STK17A: variants seen among roughly 807,000 people sequenced by gnomAD.
The protein encoded by STK17A is serine/threonine kinase 17a.
STK17A carries 26 observed loss-of-function variants against 43.7 expected under a neutral mutation model. The observed-to-expected ratio is 0.60, with a 90% CI of 0.44 to 0.83. The LOEUF (loss-of-function observed/expected upper bound fraction) is 0.83, where lower values mean the gene tolerates loss of function less well. Among genes scored for constraint, STK17A ranks in the 40% least tolerant of loss-of-function variants. The pLI is 0.00. For missense variants in STK17A, 476 were observed against 511.6 expected, an observed-to-expected ratio of 0.93 and a Z score of 0.67; for synonymous variants, 191 against 182.5, an observed-to-expected ratio of 1.05 and a Z score of -0.38.
chr7:43,596,867 CAAA>C (rs34131847), intron 2 of STK17A, among the ~76,000 whole-genome samples: 19,008 of 106,502 alleles, frequency 0.18, 1,615 homozygotes, highest in Non-Finnish European at 0.25. Flanking sequence ...GACTCCATCT[CAAA>C]AAAAAAAAAA....
intron 1 of STK17A, among the ~76,000 whole-genome samples, chr7:43,587,218 G>C (rs977966584): frequency 1.4e-5 from 2 of 140,806 alleles, no homozygotes; most frequent in Non-Finnish European, 3.1e-5. Flanking sequence ...GCAGTGGCGC[G>C]ATCTCAGCTC....
intron 1 of STK17A, among the ~76,000 whole-genome samples, chr7:43,595,659 G>A (rs549086042): frequency 2.3e-3 from 343 of 152,214 alleles, no homozygotes; most frequent in Non-Finnish European, 3.6e-3. Context: ...CAAAAAAATG[G>A]ACTTTAATAT....
rs2082632428 is a variant in STK17A, at chr7:43,608,299, G to A, written c.463G>A (p.Glu155Lys). ...EIFDQCVADR[E>K]EAFKEKDVQR... The stretch of plus-strand genomic sequence containing the variant: ...CTTTGACCAGTGTGTTGCAGACAGA[G>A]AAGAAGCCTTTAAAGAAAAAGATGT... Residue 155 changes from glutamate (E) to lysine (K), a missense_variant, in exon 3 of 7, where the codon GAA becomes AAA. Glu to Lys is a moderately conservative substitution (Grantham distance 56). Around this residue, in one of 3 missense-constraint regions of STK17A, gnomAD observed 320 missense variants for 326.3 expected, o/e 0.98. Coordinates refer to ENST00000319357, the MANE Select transcript of STK17A (RefSeq NM_004760.3). 1 of 1,613,946 alleles carries A rather than the reference G, an allele frequency of 6.2e-7. No homozygotes were observed. Among genetic ancestry groups the A allele is most frequent in the African/African-American group, 1.3e-5 (1 of 74,918 alleles).
Position 43,623,753 on chromosome 7 carries a change from CT to C in STK17A, c.788del (p.Phe263SerfsTer2), listed in dbSNP as rs1368759370. The C allele has an allele frequency of 6.2e-7, 1 of 1,606,250 alleles. No homozygotes were observed. The highest frequency in any genetic ancestry group is 1.7e-5 in the Admixed American group (1 of 58,576). On this transcript the variant is annotated frameshift_variant, in exon 6 of 7. Coordinates refer to ENST00000319357, the MANE Select transcript of STK17A (RefSeq NM_004760.3). LOFTEE classifies it high-confidence loss of function. ...TATGTCATGCTTACAGGAATATCACCTTTCTTAGGCAATGATAAACAAGAAA... is the reference window on the plus strand; with the variant it reads ...TATGTCATGCTTACAGGAATATCACCTTCTTAGGCAATGATAAACAAGAAA... Reference protein sequence around the residue: ...LTYVMLTGISPFLGNDKQETF... With the variant: ...LTYVMLTGISXFLGNDKQETF...
At chr7:43,592,521 G>C (rs560341492) in intron 1 of STK17A, among the ~76,000 whole-genome samples, 80 of 152,154 alleles carry the variant, frequency 5.3e-4, no homozygotes, top group African/African-American at 1.9e-3. Flanking sequence ...TATGTCAGTA[G>C]TCTAGAATGC....
At chr7:43,583,534 G>C in intron 1 of STK17A, 85 bp downstream of exon 1, 1 of 1,144,916 alleles carries the variant, frequency 8.7e-7, no homozygotes, top group Non-Finnish European at 1.1e-6. Flanking sequence ...CGCCGCGGCG[G>C]CGAGGCTGAA....
At position 43,627,005 on chromosome 7, in the gene STK17A, A is replaced by G. The variant is rs544905632; in HGVS notation, c.*2163A>G. On this transcript the variant is annotated 3_prime_UTR_variant, in exon 7 of 7. Coordinates refer to ENST00000319357, the MANE Select transcript of STK17A (RefSeq NM_004760.3). Reference sequence around the variant, plus strand: ...GTATTAGGCCAAATAAAATCTATTAATAACTGCCAGCTAGCTCTACACTTA... The same window carrying G: ...GTATTAGGCCAAATAAAATCTATTAGTAACTGCCAGCTAGCTCTACACTTA... Among the ~76,000 whole-genome samples, 2 of 152,306 alleles carry G rather than the reference A, an allele frequency of 1.3e-5. No homozygotes were observed. The highest frequency in any genetic ancestry group is 1.9e-4 in the East Asian group (1 of 5,190).
chr7:43,621,558 G>A (rs1459234357), intron 4 of STK17A, among the ~76,000 whole-genome samples: 1 of 152,100 alleles, frequency 6.6e-6, no homozygotes, highest in South Asian at 2.1e-4. Flanking sequence ...GCTTCCTGCA[G>A]CTCCCAACTT....
rs1281985564 is a variant in STK17A at position 43,624,806 on chromosome 7, T to C, written c.1209T>C (p.Pro403=). The C allele has an allele frequency of 6.2e-7, 1 of 1,605,720 alleles. No homozygotes were observed. Among genetic ancestry groups the C allele is most frequent in the African/African-American group, 1.3e-5 (1 of 74,608 alleles). Reference sequence around the variant, plus strand: ...CCAAACGATTTAAATTTGAGGAACCTTTGCTACAAGAAATTCCAGGAGAAT... The same window carrying C: ...CCAAACGATTTAAATTTGAGGAACCCTTGCTACAAGAAATTCCAGGAGAAT... ...AISKRFKFEE[P]LLQEIPGEFI... The change falls in exon 7 of 7, where the codon CCT becomes CCC. Residue 403 remains proline, a synonymous_variant. Transcript: ENST00000319357.
chr7:43,597,076 C>T (rs934629149), intron 2 of STK17A, among the ~76,000 whole-genome samples: 10 of 152,026 alleles, frequency 6.6e-5, no homozygotes, highest in South Asian at 6.2e-4. Flanking sequence ...AAGACAAACT[C>T]GGAAAAATAC....
chr7:43,622,285 T>C (rs894666812), intron 4 of STK17A: 5 of 151,478 alleles, frequency 3.3e-5, no homozygotes, highest in Non-Finnish European at 7.3e-5. Context: ...CACTCAACCA[T>C]TTCAGAAATC....
rs562812992 is a variant in STK17A, at chr7:43,627,065, C to G, written c.*2223C>G. On this transcript the variant is annotated 3_prime_UTR_variant, in exon 7 of 7. Transcript: ENST00000319357. ...GTTAATGTTCCTTTTTTTCTATCAC[C>G]AAATTTATAAAGGACTAAACAGTAC... Among the ~76,000 whole-genome samples the G allele has an allele frequency of 5.8e-4, 88 of 152,196 alleles. No individual in the cohort carries two copies. The highest frequency in any genetic ancestry group is 2.0e-3 in the African/African-American group (85 of 41,520).
At chr7:43,599,099 A>G (rs1386962534) in intron 2 of STK17A, among the ~76,000 whole-genome samples, 3 of 152,230 alleles carry the variant, frequency 2.0e-5, no homozygotes, top group African/African-American at 7.2e-5. Context: ...CAACATTGTG[A>G]TAATATATTT....
At chr7:43,612,858 T>G (rs528953639) in intron 3 of STK17A, among the ~76,000 whole-genome samples, 24 of 152,016 alleles carry the variant, frequency 1.6e-4, no homozygotes, top group African/African-American at 5.6e-4. Flanking sequence ...TGTAAAAGTA[T>G]GAGTCCATAC....
rs977658766 is a variant in STK17A, at chr7:43,626,517, CAGA to C, written c.*1683_*1685del. The C allele has an allele frequency of 1.3e-4, 20 of 152,102 alleles. No homozygotes were observed. The highest frequency in any genetic ancestry group is 4.6e-4 in the African/African-American group (19 of 41,400). 9.4% of individuals were successfully genotyped at this position (152,102 alleles called of 1,614,324 possible). A position where few individuals can be genotyped will look rare whatever the true frequency, so the allele number is the denominator to read the frequency against. On this transcript the variant is annotated 3_prime_UTR_variant, in exon 7 of 7. Coordinates refer to ENST00000319357, the MANE Select transcript of STK17A (RefSeq NM_004760.3). The stretch of plus-strand genomic sequence containing the variant: ...GCATTCCTAAACAAGCTCCAAAATG[CAGA>C]AGAAGAAATTGTGCCACAGTGATAG...
Position 43,624,636 on chromosome 7 carries a change from C to T in STK17A, c.1039C>T (p.His347Tyr). 1.9e-6 allele frequency: 3 copies of T among 1,614,078 alleles called. No individual in the cohort carries two copies. Among genetic ancestry groups the T allele is most frequent in the Non-Finnish European group, 2.5e-6 (3 of 1,180,010 alleles). Reference sequence around the variant, plus strand: ...AGAAGCAAATGCCCTCCAAGAAGGTCATTCTGTGCCTGAAATTAATTCGGA... The same window carrying T: ...AGAAGCAAATGCCCTCCAAGAAGGTTATTCTGTGCCTGAAATTAATTCGGA... ...LEEANALQEG[H>Y]SVPEINSDTD... is the part of the protein sequence containing the mutation. The change falls in exon 7 of 7, where the codon CAT becomes TAT. Residue 347 changes from histidine (H) to tyrosine (Y), a missense_variant. Physicochemically the swap from His to Tyr is moderately conservative, Grantham distance 83. This residue lies in a region of STK17A where 110 missense variants were observed against 103.7 expected (regional missense o/e 1.06). Coordinates refer to ENST00000319357, the MANE Select transcript of STK17A (RefSeq NM_004760.3).
Position 43,624,969 on chromosome 7 carries a change from CT to C in STK17A, c.*130del. On this transcript the variant is annotated 3_prime_UTR_variant, in exon 7 of 7. Coordinates refer to ENST00000319357, the MANE Select transcript of STK17A (RefSeq NM_004760.3). ...GTATCACTTACACAAACAAAAATAA[CT>C]TTGTCAAATTTGTGGAGTTAGGTGG... is the stretch of plus-strand genomic sequence containing the variant. The C allele has an allele frequency of 1.1e-6, 1 of 915,908 alleles. No individual in the cohort carries two copies. Among genetic ancestry groups the C allele is most frequent in the South Asian group, 2.2e-5 (1 of 45,476 alleles). 56.7% of individuals were successfully genotyped at this position (915,908 alleles called of 1,614,324 possible).
chr7:43,613,167 A>G (rs962022895), intron 3 of STK17A, among the ~76,000 whole-genome samples: 1 of 152,190 alleles, frequency 6.6e-6, no homozygotes, highest in Non-Finnish European at 1.5e-5. Flanking sequence ...GTCTTTCAGC[A>G]GTGTTAGTAC....
intron 2 of STK17A, among the ~76,000 whole-genome samples, chr7:43,606,994 G>C (rs937405433): frequency 1.4e-5 from 2 of 144,466 alleles, no homozygotes; most frequent in African/African-American, 5.2e-5. Context: ...TGTGATCTCG[G>C]TTCATCCCAA....
Sources: allele counts gnomAD v4.1 joint callset (sites outside exome capture counted in the v4.1 genomes callset), GRCh38; gene constraint gnomAD v4.1.1; regional missense constraint gnomAD v4.1.1; transcripts MANE v1.5; gene names NCBI Gene and HGNC (gene_info 2026-07-23, HGNC 2026-07-21).